The following BRI3 variants were observed in gnomAD, a reference collection of about 807,000 sequenced individuals.
BRI3 encodes the protein brain protein I3, also known as membrane protein BRI3.
Under a neutral mutation model 12.8 loss-of-function variants are expected in BRI3, and 6 were observed. The observed-to-expected ratio is 0.47, with a 90% CI of 0.26 to 0.93. BRI3 has a LOEUF of 0.93. Among genes scored for constraint, BRI3 ranks in the 40% least tolerant of loss-of-function variants. The pLI, the probability that BRI3 is intolerant of heterozygous loss-of-function variation, is 0.15. For synonymous variants in BRI3, 91 were observed against 76.1 expected, an observed-to-expected ratio of 1.20 and a Z score of -1.02; for missense variants, 134 against 171.1, an observed-to-expected ratio of 0.78 and a Z score of 1.21.
At chr7:98,294,738 A>T (rs1370942474), downstream of BRI3, among the ~76,000 whole-genome samples, 1 of 152,170 alleles carries the variant, frequency 6.6e-6, no homozygotes, top group Middle Eastern at 3.2e-3. Context: ...AGAAACAGGA[A>T]ATAAAAATAA....
intron 2 of BRI3, 63 bp downstream of exon 2, chr7:98,282,516 C>T (rs1799560702): frequency 5.2e-6 from 7 of 1,333,878 alleles, no homozygotes; most frequent in Non-Finnish European, 7.5e-6. Context: ...CCCTAACCCC[C>T]AGGACCTCAC....
rs1423823612 is a variant in BRI3 at position 98,281,908 on chromosome 7, C to T, written c.113C>T (p.Pro38Leu). Residue 38 changes from proline to leucine, a missense_variant, in exon 1 of 3, where the codon CCG becomes CTG. Pro to Leu is a moderately conservative substitution (Grantham distance 98). Coordinates refer to ENST00000297290, the MANE Select transcript of BRI3 (RefSeq NM_015379.5). ...HGYGAIPAAP[P>L]PPPYPYLVTG... ...TACGGCGCCATCCCCGCCGCGCCCC[C>T]GCCGCCGCCCTACCCCTACCTCGTC... 6 of 1,297,040 alleles carry T rather than the reference C, an allele frequency of 4.6e-6. No individual in the cohort carries two copies. The highest frequency in any genetic ancestry group is 5.9e-6 in the Non-Finnish European group (6 of 1,022,866). 80.3% of individuals were successfully genotyped at this position (1,297,040 alleles called of 1,614,324 possible).
chr7:98,301,689 C>G (rs1800433840), upstream of BRI3, among the ~76,000 whole-genome samples: 3 of 151,838 alleles, frequency 2.0e-5, no homozygotes, highest in South Asian at 2.1e-4. Flanking sequence ...ACACGCGCGT[C>G]TGTGTGTGTG....
At chr7:98,298,619 A>T (rs917838740) in intron 1 of BRI3, among the ~76,000 whole-genome samples, 1 of 152,006 alleles carries the variant, frequency 6.6e-6, no homozygotes, top group Non-Finnish European at 1.5e-5. Context: ...TCTCAAAACA[A>T]AACAAAAAAA....
At chr7:98,317,111 C>CA in the BRI3 span, 25 of 1,424,952 alleles carry the variant, frequency 1.8e-5, no homozygotes, top group Non-Finnish European at 2.3e-5. Flanking sequence ...CCTCGGCCTC[C>CA]CAAAGTGCTG....
At chr7:98,285,569 C>T (rs1405855193) in intron 2 of BRI3, among the ~76,000 whole-genome samples, 1 of 152,192 alleles carries the variant, frequency 6.6e-6, no homozygotes, top group African/African-American at 2.4e-5. Context: ...GGCTGCAGAC[C>T]TCGGTGCCCA....
intron 2 of BRI3, among the ~76,000 whole-genome samples, chr7:98,290,298 C>T (rs989151300): frequency 6.6e-6 from 1 of 150,762 alleles, no homozygotes. Context: ...TGGGTTCACG[C>T]CATTCTCCTG....
downstream of BRI3, among the ~76,000 whole-genome samples, chr7:98,312,624 T>C (rs1800913533): frequency 6.6e-6 from 1 of 152,120 alleles, no homozygotes; most frequent in Non-Finnish European, 1.5e-5. Flanking sequence ...CAACCATCAC[T>C]TTCTCCCTCC....
chr7:98,304,258 C>A (rs755438315), upstream of BRI3: 3 of 1,613,748 alleles, frequency 1.9e-6, 1 homozygote, highest in South Asian at 2.2e-5. Flanking sequence ...CTGGCCGAAT[C>A]TGCTCTCCTG....
the BRI3 span, among the ~76,000 whole-genome samples, chr7:98,316,867 CTT>C: frequency 2.7e-5 from 4 of 145,506 alleles, no homozygotes; most frequent in Non-Finnish European, 3.0e-5. Flanking sequence ...AACTTCAAAA[CTT>C]TTTTTTTTTT....
chr7:98,293,399 G>T, downstream of BRI3: 7 of 874,786 alleles, frequency 8.0e-6, no homozygotes, highest in Non-Finnish European at 1.3e-5. Context: ...GCTTAAGCAG[G>T]CGACATTAGA....
chr7:98,321,302 C>T, the BRI3 span, among the ~76,000 whole-genome samples: 1 of 152,184 alleles, frequency 6.6e-6, no homozygotes, highest in Non-Finnish European at 1.5e-5. Flanking sequence ...TTTATCGAAT[C>T]CCCAGAGTAA....
chr7:98,308,523 C>T (rs1800750309), exon 2 of BRI3: 3 of 346,910 alleles, frequency 8.6e-6, no homozygotes, highest in Non-Finnish European at 1.7e-5. Flanking sequence ...GGACAGACCC[C>T]ACAGCTGGCA....
At chr7:98,294,116 G>A (rs373011560), downstream of BRI3, 67 of 1,613,838 alleles carry the variant, frequency 4.2e-5, no homozygotes, top group African/African-American at 8.1e-4. Context: ...ATCGTTCTGT[G>A]AGAAAGATAA....
downstream of BRI3, among the ~76,000 whole-genome samples, chr7:98,314,346 C>A (rs79274589): frequency 0.024 from 3,699 of 152,168 alleles, 149 homozygotes; most frequent in African/African-American, 0.085. Context: ...CATACAAGGC[C>A]AAAGTATTTT....
chr7:98,309,719 C>A (rs1024683094), exon 2 of BRI3: 1 of 152,350 alleles, frequency 6.6e-6, no homozygotes, highest in Non-Finnish European at 1.5e-5. Flanking sequence ...GCAACCTTCA[C>A]ACCATGGGGG....
chr7:98,291,572 C>T (rs899518337), downstream of BRI3: 7 of 1,099,722 alleles, frequency 6.4e-6, no homozygotes, highest in African/African-American at 1.2e-4. Flanking sequence ...CCAGGAAAGA[C>T]TGGAACGACA....
intron 2 of BRI3, among the ~76,000 whole-genome samples, chr7:98,287,468 T>G (rs1799748072): frequency 1.3e-5 from 2 of 151,944 alleles, no homozygotes; most frequent in Non-Finnish European, 2.9e-5. Flanking sequence ...GGTCAGCACA[T>G]TAGGTTTGGC....
intron 1 of BRI3, among the ~76,000 whole-genome samples, chr7:98,301,324 G>A (rs373644796): frequency 6.6e-6 from 1 of 152,176 alleles, no homozygotes; most frequent in Admixed American, 6.5e-5. Flanking sequence ...ACTCAAACAC[G>A]TGCAGAATCA....
Sources: gnomAD v4.1 joint callset for allele counts (sites outside exome capture counted in the v4.1 genomes callset) on GRCh38, gnomAD v4.1.1 for gene constraint, MANE v1.5 for transcripts, NCBI Gene and HGNC (gene_info 2026-07-23, HGNC 2026-07-21) for gene names.